The following CACNA1E variants were observed in gnomAD, a reference collection of about 807,000 sequenced individuals.
CACNA1E encodes voltage-dependent R-type calcium channel subunit alpha-1E.
In CACNA1E, 40 loss-of-function variants were observed where a neutral mutation model predicts 259.2. The observed-to-expected ratio is 0.15, with a 90% CI of 0.12 to 0.20. The LOEUF (loss-of-function observed/expected upper bound fraction) is 0.20, where lower values mean the gene tolerates loss of function less well. CACNA1E is among the 10% of genes least tolerant of loss of function. The pLI is 1.00. For missense variants in CACNA1E, 1,874 were observed against 3,040.1 expected, an observed-to-expected ratio of 0.62 and a Z score of 9.02; for synonymous variants, 1,104 against 1,138.5, an observed-to-expected ratio of 0.97 and a Z score of 0.61.
intron 1 of CACNA1E, among the ~76,000 whole-genome samples, chr1:181,357,267 G>C (rs1030988050): frequency 3.3e-5 from 5 of 152,160 alleles, no homozygotes; most frequent in African/African-American, 1.2e-4. Context: ...TCCCACTCCT[G>C]TTCTCAGCTC....
chr1:181,745,041 T>C (rs1656928612), intron 25 of CACNA1E, among the ~76,000 whole-genome samples: 1 of 152,172 alleles, frequency 6.6e-6, no homozygotes. Flanking sequence ...TCAATGCCCA[T>C]GGACTTTTGA....
chr1:181,715,727 A>G (rs1653822668), intron 9 of CACNA1E, among the ~76,000 whole-genome samples: 1 of 152,204 alleles, frequency 6.6e-6, no homozygotes. Context: ...CACTTTCATT[A>G]CCAGGAAGTG....
At chr1:181,372,141 T>G (rs905241331) in intron 1 of CACNA1E, among the ~76,000 whole-genome samples, 2 of 152,218 alleles carry the variant, frequency 1.3e-5, no homozygotes, top group Non-Finnish European at 2.9e-5. Flanking sequence ...AAAATGACAT[T>G]GGTAGTTCGG....
In CACNA1E at chr1:181,689,307, G is replaced by T. The variant is rs145399868; in HGVS notation, c.1056-21647G>T. On this transcript the variant is annotated intron_variant, in intron 7 of 47. Coordinates refer to ENST00000367573, the MANE Select transcript of CACNA1E (RefSeq NM_001205293.3). ...TCATCCATGTCCCTGCAAAGGACAT[G>T]AACTCATCCTTTTTTGTGGCCACAT... 6.5e-3 allele frequency among the ~76,000 whole-genome samples: 996 copies of T among 152,250 alleles called. 10 individuals are homozygous for T. Among genetic ancestry groups the T allele is most frequent in the Non-Finnish European group, 9.4e-3 (641 of 68,030 alleles).
At position 181,801,209 on chromosome 1, in the gene CACNA1E, C is replaced by G. The variant is rs1002210777; in HGVS notation, c.*2375C>G. On this transcript the variant is annotated 3_prime_UTR_variant, in exon 48 of 48. Transcript: ENST00000367573. ...GGACGACCATTCTGAGCCAGTGAGT[C>G]TATTGCATGGTGTTTTGAGAAAGGG... The G allele has an allele frequency of 7.2e-5, 11 of 152,672 alleles. No homozygotes were observed. The highest frequency in any genetic ancestry group is 2.7e-4 in the African/African-American group (11 of 41,468). The allele number at this position is 152,672 out of a possible 1,614,324, so 9.5% of individuals were successfully genotyped here.
chr1:181,638,406 A>G (rs1015365510), intron 6 of CACNA1E, among the ~76,000 whole-genome samples: 1 of 152,202 alleles, frequency 6.6e-6, no homozygotes, highest in Non-Finnish European at 1.5e-5. Context: ...AATATATTGT[A>G]AGTTAAAACA....
chr1:181,336,506 G>A (rs1201093410), intron 1 of CACNA1E, among the ~76,000 whole-genome samples: 7 of 152,202 alleles, frequency 4.6e-5, no homozygotes, highest in Admixed American at 2.6e-4. Flanking sequence ...TTTAGAATTC[G>A]TACTCTTTGT....
chr1:181,402,316 G>A (rs1027011127), intron 1 of CACNA1E, among the ~76,000 whole-genome samples: 2 of 152,178 alleles, frequency 1.3e-5, no homozygotes, highest in African/African-American at 4.8e-5. Flanking sequence ...TGGCAGCTGG[G>A]GGACAGAGGT....
In CACNA1E at chr1:181,583,144, A is replaced by T. The variant is rs951511049; in HGVS notation, c.951+2368A>T. Reference sequence around the variant, plus strand: ...CACACACACACACACACACACACACACTTATACACACTGGTTGCGTACCAT... The same window carrying T: ...CACACACACACACACACACACACACTCTTATACACACTGGTTGCGTACCAT... On this transcript the variant is annotated intron_variant, in intron 6 of 47. Coordinates refer to ENST00000367573, the MANE Select transcript of CACNA1E (RefSeq NM_001205293.3). Among the ~76,000 whole-genome samples the T allele has an allele frequency of 2.9e-4, 44 of 150,156 alleles. 3 individuals carry two copies. Among genetic ancestry groups the T allele is most frequent in the African/African-American group, 1.1e-3 (43 of 40,634 alleles).
At chr1:181,633,028 C>T (rs1156453247) in intron 6 of CACNA1E, among the ~76,000 whole-genome samples, 2 of 151,938 alleles carry the variant, frequency 1.3e-5, no homozygotes, top group Non-Finnish European at 2.9e-5. Flanking sequence ...GGTTGGTTTC[C>T]CTGGAAGTCA....
intron 3 of CACNA1E, among the ~76,000 whole-genome samples, chr1:181,561,178 G>A (rs563289913): frequency 5.9e-5 from 9 of 152,094 alleles, no homozygotes; most frequent in Non-Finnish European, 1.3e-4. Flanking sequence ...TACAACAATA[G>A]GAATGTACTT....
chr1:181,444,848 T>TA (rs1459959978), intron 2 of CACNA1E, among the ~76,000 whole-genome samples: 1 of 152,058 alleles, frequency 6.6e-6, no homozygotes, highest in Non-Finnish European at 1.5e-5. Flanking sequence ...GTAGACAACT[T>TA]ACTCTGCTTG....
At chr1:181,470,712 C>A (rs1211816563) in intron 2 of CACNA1E, among the ~76,000 whole-genome samples, 1 of 152,104 alleles carries the variant, frequency 6.6e-6, no homozygotes, top group Non-Finnish European at 1.5e-5. Flanking sequence ...GCCTACAGTT[C>A]CCAGGTAAAG....
chr1:181,373,875 G>A (rs1654897389), intron 1 of CACNA1E, among the ~76,000 whole-genome samples: 1 of 152,112 alleles, frequency 6.6e-6, no homozygotes, highest in Non-Finnish European at 1.5e-5. Context: ...GCTCTTGTCT[G>A]GGACCCAGAA....
At chr1:181,442,875 T>C (rs1225712825) in intron 2 of CACNA1E, among the ~76,000 whole-genome samples, 4 of 152,172 alleles carry the variant, frequency 2.6e-5, no homozygotes, top group Non-Finnish European at 5.9e-5. Context: ...CACTGTCCCA[T>C]ACGTGGGCTG....
At chr1:181,601,124 C>G (rs1043447833) in intron 6 of CACNA1E, among the ~76,000 whole-genome samples, 5 of 152,094 alleles carry the variant, frequency 3.3e-5, no homozygotes, top group African/African-American at 1.2e-4. Context: ...CACTACCACC[C>G]CATGGGCTAG....
intron 35 of CACNA1E, among the ~76,000 whole-genome samples, chr1:181,767,123 A>G (rs1044264109): frequency 6.6e-5 from 10 of 152,210 alleles, no homozygotes; most frequent in Non-Finnish European, 1.5e-4. Context: ...CCTAAGATAC[A>G]TCACTGTGAA....
chr1:181,417,689 T>C (rs1481894444), intron 2 of CACNA1E, among the ~76,000 whole-genome samples: 1 of 152,218 alleles, frequency 6.6e-6, no homozygotes, highest in East Asian at 1.9e-4. Flanking sequence ...CTCTAGAGAT[T>C]ATTTCACATG....
At position 181,415,830 on chromosome 1, in the gene CACNA1E, G is replaced by GCT. The variant is rs775479242; in HGVS notation, c.434+2253_434+2254dup. On this transcript the variant is annotated intron_variant, in intron 2 of 11. Transcript: ENST00000524607. The stretch of plus-strand genomic sequence containing the variant: ...ACCACCCAAATTCCTTAGCCTCATG[G>GCT]CTCTGTACATGCCTTAATTTGATCT... Among the ~76,000 whole-genome samples the GCT allele has an allele frequency of 4.6e-5, 7 of 152,094 alleles. No individual in the cohort carries two copies. In the East Asian group the frequency reaches 5.8e-4, roughly 13 times the overall value.
Sources: allele counts gnomAD v4.1 joint callset (sites outside exome capture counted in the v4.1 genomes callset), GRCh38; gene constraint gnomAD v4.1.1; transcripts MANE v1.5; gene names NCBI Gene and HGNC (gene_info 2026-07-23, HGNC 2026-07-21).